DACH1: variants seen among roughly 807,000 people sequenced by gnomAD.
DACH1 encodes dachshund homolog 1.
Under a neutral mutation model 54.2 loss-of-function variants are expected in DACH1, and 12 were observed. The observed-to-expected ratio is 0.22, with a 90% confidence interval of 0.14 to 0.36. The LOEUF (loss-of-function observed/expected upper bound fraction) is 0.36, where lower values mean the gene tolerates loss of function less well. DACH1 is among the 10% of genes least tolerant of loss of function. DACH1 has a pLI of 1.00. For synonymous variants in DACH1, 386 were observed against 366.2 expected, an observed-to-expected ratio of 1.05 and a Z score of -0.62; for missense variants, 805 against 929.8, an observed-to-expected ratio of 0.87 and a Z score of 1.75.
intron 1 of DACH1, among the ~76,000 whole-genome samples, chr13:71,787,210 A>C (rs1886628104): frequency 6.6e-6 from 1 of 152,216 alleles, no homozygotes; most frequent in African/African-American, 2.4e-5. Context: ...CAGCGTGCTT[A>C]CATTAAAAAG....
chr13:71,622,460 T>A (rs1018004924), intron 3 of DACH1, among the ~76,000 whole-genome samples: 3 of 151,956 alleles, frequency 2.0e-5, no homozygotes, highest in African/African-American at 7.2e-5. Context: ...ATCAATCATA[T>A]GAAATTCAAA....
intron 1 of DACH1, among the ~76,000 whole-genome samples, chr13:71,808,085 C>T (rs1319139377): frequency 2.0e-5 from 3 of 152,136 alleles, no homozygotes; most frequent in Non-Finnish European, 4.4e-5. Flanking sequence ...TTGACATCAC[C>T]ACCCAACCTG....
intron 6 of DACH1, among the ~76,000 whole-genome samples, chr13:71,552,586 G>A (rs1323148374): frequency 6.6e-6 from 1 of 151,236 alleles, no homozygotes; most frequent in Non-Finnish European, 1.5e-5. Context: ...CAAATGTGTG[G>A]AGGATAAACA....
At chr13:71,679,159 C>T (rs1286538142) in intron 2 of DACH1, among the ~76,000 whole-genome samples, 1 of 152,082 alleles carries the variant, frequency 6.6e-6, no homozygotes, top group African/African-American at 2.4e-5. Flanking sequence ...AGAAAATGAT[C>T]GTACTTTAAA....
chr13:71,721,581 C>T (rs1373573658), intron 1 of DACH1, among the ~76,000 whole-genome samples: 1 of 152,078 alleles, frequency 6.6e-6, no homozygotes, highest in Non-Finnish European at 1.5e-5. Flanking sequence ...TCATTTGCAG[C>T]CACTATTTCA....
At chr13:71,709,116 G>C (rs529077547) in intron 1 of DACH1, among the ~76,000 whole-genome samples, 7 of 151,988 alleles carry the variant, frequency 4.6e-5, no homozygotes, top group Non-Finnish European at 1.0e-4. Context: ...GCCTCCCAAA[G>C]TGCTGGGATT....
At chr13:71,765,669 G>C (rs766592891) in intron 1 of DACH1, among the ~76,000 whole-genome samples, 1 of 152,074 alleles carries the variant, frequency 6.6e-6, no homozygotes, top group African/African-American at 2.4e-5. Flanking sequence ...CATAGGATGT[G>C]CCAAGCACTG....
intron 1 of DACH1, among the ~76,000 whole-genome samples, chr13:71,774,917 T>C (rs1414191181): frequency 2.0e-5 from 3 of 151,996 alleles, no homozygotes; most frequent in Non-Finnish European, 4.4e-5. Context: ...TTTACAAACA[T>C]ATCGCTAGGC....
intron 6 of DACH1, among the ~76,000 whole-genome samples, chr13:71,517,128 G>A (rs1317176418): frequency 2.6e-5 from 4 of 151,516 alleles, no homozygotes; most frequent in East Asian, 1.9e-4. Flanking sequence ...GGTAGCATGC[G>A]CCATTAAACA....
chr13:71,544,396 C>T (rs746913868), intron 6 of DACH1, among the ~76,000 whole-genome samples: 3 of 152,112 alleles, frequency 2.0e-5, no homozygotes, highest in Non-Finnish European at 2.9e-5. Flanking sequence ...CAATGTCCTA[C>T]GTCCTTTTGT....
chr13:71,649,267 C>G (rs1165058981), intron 2 of DACH1, among the ~76,000 whole-genome samples: 1 of 152,238 alleles, frequency 6.6e-6, no homozygotes, highest in East Asian at 1.9e-4. Context: ...TAAGTACGCT[C>G]AACGATGCAC....
chr13:71,557,210 C>T (rs1190024649), intron 5 of DACH1, 52 bp from the exon 6 acceptor site: 5 of 1,534,228 alleles, frequency 3.3e-6, no homozygotes, highest in African/African-American at 1.4e-5. Context: ...AACACCATAA[C>T]ACACAAGGTT....
intron 1 of DACH1, among the ~76,000 whole-genome samples, chr13:71,756,456 T>C (rs1347903278): frequency 6.6e-6 from 1 of 152,062 alleles, no homozygotes; most frequent in Non-Finnish European, 1.5e-5. Flanking sequence ...TTTTAAAACT[T>C]ATAATTCAAC....
chr13:71,600,160 T>C (rs1278222282), intron 3 of DACH1, among the ~76,000 whole-genome samples: 1 of 152,264 alleles, frequency 6.6e-6, no homozygotes, highest in East Asian at 1.9e-4. Flanking sequence ...CACTCTGATG[T>C]AGAAAGATCA....
At chr13:71,513,959 T>C (rs193219059) in intron 6 of DACH1, among the ~76,000 whole-genome samples, 1 of 152,192 alleles carries the variant, frequency 6.6e-6, no homozygotes, top group East Asian at 1.9e-4. Flanking sequence ...ATTAATATTT[T>C]ATCTGCCTCA....
chr13:71,467,045 T>C (rs1876644669), intron 10 of DACH1, among the ~76,000 whole-genome samples: 1 of 151,726 alleles, frequency 6.6e-6, no homozygotes, highest in Admixed American at 6.6e-5. Context: ...TTAAATATTT[T>C]TACATAGTAA....
chr13:71,651,656 ATGTATCTGTATC>A (rs57754864), intron 2 of DACH1, among the ~76,000 whole-genome samples: 5,529 of 146,896 alleles, frequency 0.038, 367 homozygotes, highest in African/African-American at 0.13. Context: ...ATGCATGTAT[ATGTATCTGTATC>A]TGTATCTGTA....
intron 2 of DACH1, among the ~76,000 whole-genome samples, chr13:71,668,018 G>C (rs1446985833): frequency 1.3e-5 from 2 of 151,904 alleles, no homozygotes; most frequent in South Asian, 2.1e-4. Context: ...ATAAATGAAG[G>C]TATCCAAATA....
intron 2 of DACH1, among the ~76,000 whole-genome samples, chr13:71,672,507 G>A (rs577067732): frequency 2.4e-4 from 37 of 152,080 alleles, no homozygotes; most frequent in Non-Finnish European, 4.9e-4. Context: ...AACATTTTAT[G>A]GTTAAATCTT....
Sources: gnomAD v4.1 joint callset for allele counts (sites outside exome capture counted in the v4.1 genomes callset) on GRCh38, gnomAD v4.1.1 for gene constraint, MANE v1.5 for transcripts, NCBI Gene and HGNC (gene_info 2026-07-23, HGNC 2026-07-21) for gene names.